The following DMD variants were observed in gnomAD, a reference collection of about 807,000 sequenced individuals.
The protein encoded by DMD is dystrophin.
Under a neutral mutation model 330.1 loss-of-function variants are expected in DMD, and 63 were observed. The observed-to-expected ratio is 0.19, with a 90% CI of 0.16 to 0.24. DMD has a LOEUF of 0.24. Ranked by LOEUF, DMD falls within the 10% of genes least tolerant of loss-of-function variation. The pLI is 1.00. For synonymous variants in DMD, 1,223 were observed against 959.8 expected (o/e 1.27, Z -5.07); for missense variants, 3,344 against 2,684.1 (o/e 1.25, Z -5.43).
At chrX:31,849,491 G>T (rs1217738671) in intron 48 of DMD, among the ~76,000 whole-genome samples, 1 of 110,718 alleles carries the variant, frequency 9.0e-6, no homozygotes, top group Admixed American at 9.7e-5. Context: ...ACGGCAGAGA[G>T]AATGTATTCC....
chrX:32,292,621 T>C (rs1339663493), intron 42 of DMD, among the ~76,000 whole-genome samples: 1 of 111,736 alleles, frequency 8.9e-6, no homozygotes, highest in Non-Finnish European at 1.9e-5. Context: ...AGCATTTTAA[T>C]CATTTGTAAG....
chrX:32,607,477 C>T (rs182458414), intron 12 of DMD, among the ~76,000 whole-genome samples: 1 of 109,538 alleles, frequency 9.1e-6, no homozygotes, highest in East Asian at 2.9e-4. Context: ...TTAAAGGATA[C>T]AGTATCATTA....
At chrX:31,716,585 A>C (rs1408233742) in intron 52 of DMD, among the ~76,000 whole-genome samples, 1 of 110,637 alleles carries the variant, frequency 9.0e-6, no homozygotes, top group Non-Finnish European at 1.9e-5. Context: ...AAAACAAACA[A>C]AAACAAAACA....
chrX:32,516,374 AG>A (rs2045861925), intron 18 of DMD, among the ~76,000 whole-genome samples: 2 of 111,946 alleles, frequency 1.8e-5, no homozygotes, highest in African/African-American at 6.5e-5. Context: ...AGGTTGATAA[AG>A]GGGACTCACA....
intron 29 of DMD, among the ~76,000 whole-genome samples, chrX:32,428,766 C>A (rs1663998753): frequency 9.0e-6 from 1 of 110,894 alleles, no homozygotes; most frequent in South Asian, 3.8e-4. Context: ...CGTGCACCAC[C>A]ACAGCTGGTT....
chrX:32,522,599 T>C (rs950987401), intron 17 of DMD, among the ~76,000 whole-genome samples: 1 of 112,407 alleles, frequency 8.9e-6, no homozygotes, highest in Non-Finnish European at 1.9e-5. Flanking sequence ...TTCTCATTTT[T>C]CTTAGAATAA....
At chrX:32,696,062 G>A (rs923164447) in intron 9 of DMD, among the ~76,000 whole-genome samples, 4 of 111,950 alleles carry the variant, frequency 3.6e-5, no homozygotes, top group Admixed American at 9.5e-5. Flanking sequence ...GGGCATGCAC[G>A]TGTTTTCCAT....
At chrX:32,701,101 A>G (rs1031006306) in intron 7 of DMD, among the ~76,000 whole-genome samples, 1 of 112,234 alleles carries the variant, frequency 8.9e-6, no homozygotes, top group African/African-American at 3.2e-5. Context: ...TTTTAAAACT[A>G]CAGAATCTGA....
intron 2 of DMD, among the ~76,000 whole-genome samples, chrX:32,891,094 G>C (rs1258615863): frequency 8.9e-6 from 1 of 112,222 alleles, no homozygotes; most frequent in Non-Finnish European, 1.9e-5. Flanking sequence ...ACTTTTTAAA[G>C]TGGCTACTCA....
chrX:32,777,078 C>T (rs1199942024), intron 7 of DMD, among the ~76,000 whole-genome samples: 1 of 106,742 alleles, frequency 9.4e-6, no homozygotes, highest in East Asian at 3.0e-4. Flanking sequence ...TTTGTTTTTA[C>T]AGTAATTAAG....
intron 11 of DMD, among the ~76,000 whole-genome samples, chrX:32,623,407 G>A (rs376005968): frequency 3.6e-5 from 4 of 111,751 alleles, no homozygotes; most frequent in Admixed American, 1.9e-4. Context: ...TGACTTCAGG[G>A]AGTGGGGAGG....
chrX:32,658,544 C>A (rs1251549671), intron 9 of DMD, among the ~76,000 whole-genome samples: 3 of 111,112 alleles, frequency 2.7e-5, no homozygotes, highest in Non-Finnish European at 5.7e-5. Context: ...CTATTTTCAC[C>A]CTCAGGCCAT....
chrX:31,954,810 AATGGT>A (rs1249222077), intron 45 of DMD, among the ~76,000 whole-genome samples: 1 of 110,396 alleles, frequency 9.1e-6, no homozygotes, highest in African/African-American at 3.3e-5. Context: ...TATACTTAAA[AATGGT>A]AAAGGTATAT....
In DMD at chrX:32,399,406, G is replaced by C. The variant is rs141024004; in HGVS notation, c.4234-9225C>G. Among the ~76,000 whole-genome samples, 554 of 111,520 alleles carry C rather than the reference G, an allele frequency of 5.0e-3. 2 individuals are homozygous for C. Among genetic ancestry groups the C allele is most frequent in the African/African-American group, 0.016 (506 of 30,750 alleles). ...CTCTATAGGAAAAAACTAATAATCT[G>C]ATTAAAAATGGGCAAAATATCTGAA... On this transcript the variant is annotated intron_variant, in intron 30 of 78. Coordinates refer to ENST00000357033, the MANE Select transcript of DMD (RefSeq NM_004006.3).
At chrX:32,984,801 T>A (rs2092802108) in intron 2 of DMD, among the ~76,000 whole-genome samples, 1 of 111,397 alleles carries the variant, frequency 9.0e-6, no homozygotes, top group African/African-American at 3.3e-5. Flanking sequence ...CTGGAAACCT[T>A]TTAAGTAGTG....
chrX:31,823,671 C>T (rs1054021799), intron 49 of DMD, among the ~76,000 whole-genome samples: 1 of 110,190 alleles, frequency 9.1e-6, no homozygotes, highest in African/African-American at 3.3e-5. Context: ...GCCTCGACTT[C>T]CTAGGCAATC....
At chrX:31,521,266 G>T (rs1042294550) in intron 55 of DMD, among the ~76,000 whole-genome samples, 5 of 107,604 alleles carry the variant, frequency 4.6e-5, no homozygotes, top group Non-Finnish European at 7.7e-5. Context: ...GGGTTCAAGC[G>T]ATTCTCCTGC....
chrX:31,527,103 T>G (rs1175325232), intron 55 of DMD, among the ~76,000 whole-genome samples: 1 of 111,219 alleles, frequency 9.0e-6, no homozygotes, highest in African/African-American at 3.3e-5. Flanking sequence ...TGACAGGGTA[T>G]GACCCTGTCT....
intron 1 of DMD, among the ~76,000 whole-genome samples, chrX:33,176,421 TAAA>T (rs67294661): frequency 1.9e-4 from 19 of 98,051 alleles, no homozygotes; most frequent in African/African-American, 5.9e-4. Flanking sequence ...AGAGTTAATG[TAAA>T]AAAAAAAAAA....
Sources: allele counts gnomAD v4.1 joint callset (sites outside exome capture counted in the v4.1 genomes callset), GRCh38; gene constraint gnomAD v4.1.1; transcripts MANE v1.5; gene names NCBI Gene and HGNC (gene_info 2026-07-23, HGNC 2026-07-21).